THSD4: variants seen among roughly 807,000 people sequenced by gnomAD.
THSD4 encodes thrombospondin type-1 domain-containing protein 4.
Under a neutral mutation model 119.0 loss-of-function variants are expected in THSD4, and 69 were observed. The ratio of observed to expected loss-of-function variants is 0.58; its 90% CI spans 0.48 to 0.71. The LOEUF (loss-of-function observed/expected upper bound fraction) is 0.71. THSD4 is among the 30% of genes least tolerant of loss of function. The probability of loss-of-function intolerance (pLI) is 0.00; values close to 1 mark genes in which losing one functional copy is unlikely to be tolerated. For missense variants in THSD4, 1,393 were observed against 1,391.1 expected, an observed-to-expected ratio of 1.00 and a Z score of -0.02; for synonymous variants, 524 against 540.4, an observed-to-expected ratio of 0.97 and a Z score of 0.42.
intron 6 of THSD4, among the ~76,000 whole-genome samples, chr15:71,408,530 G>A (rs1215701261): frequency 1.3e-5 from 2 of 152,088 alleles, no homozygotes; most frequent in Non-Finnish European, 2.9e-5. Flanking sequence ...ACTGTGCCCG[G>A]CCCAAATGCA....
chr15:71,646,372 T>C (rs1435014552), intron 7 of THSD4, among the ~76,000 whole-genome samples: 2 of 152,232 alleles, frequency 1.3e-5, no homozygotes, highest in Non-Finnish European at 2.9e-5. Flanking sequence ...GCTCTTTCTC[T>C]CTTTTAACCA....
chr15:71,155,425 A>C (rs1265631964), intron 3 of THSD4, among the ~76,000 whole-genome samples: 2 of 152,186 alleles, frequency 1.3e-5, no homozygotes, highest in African/African-American at 4.8e-5. Context: ...CGCCTCCAAT[A>C]TTGGAGATTA....
intron 3 of THSD4, among the ~76,000 whole-genome samples, chr15:71,166,543 A>G (rs1287849550): frequency 6.6e-6 from 1 of 152,120 alleles, no homozygotes; most frequent in African/African-American, 2.4e-5. Context: ...AAAGGATTCC[A>G]GCTTACTTTT....
chr15:71,206,253 C>T (rs1425824811), intron 3 of THSD4, among the ~76,000 whole-genome samples: 1 of 152,220 alleles, frequency 6.6e-6, no homozygotes, highest in Admixed American at 6.5e-5. Flanking sequence ...CTCAGGTGAT[C>T]CGCCCACCTC....
At chr15:71,573,668 C>CT (rs2049399397) in intron 7 of THSD4, among the ~76,000 whole-genome samples, 1 of 152,164 alleles carries the variant, frequency 6.6e-6, no homozygotes, top group South Asian at 2.1e-4. Context: ...ATAGGATAAT[C>CT]TAATTTCCCT....
At chr15:71,314,285 A>G (rs997459375) in intron 6 of THSD4, among the ~76,000 whole-genome samples, 2 of 152,088 alleles carry the variant, frequency 1.3e-5, no homozygotes, top group African/African-American at 4.8e-5. Flanking sequence ...ATAAGTTACT[A>G]TAAGAAAATA....
At chr15:71,249,237 T>C (rs559035944) in intron 5 of THSD4, among the ~76,000 whole-genome samples, 8 of 152,216 alleles carry the variant, frequency 5.3e-5, no homozygotes, top group East Asian at 3.9e-4. Context: ...TGCATATATA[T>C]ACACACAAAT....
intron 3 of THSD4, among the ~76,000 whole-genome samples, chr15:71,203,418 G>A (rs758216577): frequency 2.6e-5 from 4 of 152,182 alleles, no homozygotes; most frequent in Non-Finnish European, 5.9e-5. Flanking sequence ...ACTTTGGGAG[G>A]CCAAGGTGGG....
chr15:71,522,465 G>A (rs975094043), intron 7 of THSD4, among the ~76,000 whole-genome samples: 1 of 152,126 alleles, frequency 6.6e-6, no homozygotes, highest in African/African-American at 2.4e-5. Flanking sequence ...TTAGGAGTGG[G>A]GATGAGGGAG....
At chr15:71,111,916 A>G (rs2040307968), upstream of THSD4, 2 of 567,316 alleles carry the variant, frequency 3.5e-6, no homozygotes, top group African/African-American at 3.8e-5. Context: ...TTCCACGTCA[A>G]ATACATTTGG....
At chr15:71,415,281 G>A (rs2046743789) in intron 7 of THSD4, among the ~76,000 whole-genome samples, 1 of 152,244 alleles carries the variant, frequency 6.6e-6, no homozygotes, top group African/African-American at 2.4e-5. Context: ...ATCAAGCCAA[G>A]TAAAGGCCGC....
intron 7 of THSD4, among the ~76,000 whole-genome samples, chr15:71,597,686 C>T (rs2049930376): frequency 1.3e-5 from 2 of 152,214 alleles, no homozygotes; most frequent in Non-Finnish European, 2.9e-5. Flanking sequence ...ATATGTCCCA[C>T]CCCCAAGTAT....
chr15:71,647,363 G>A (rs2050990420), intron 7 of THSD4, among the ~76,000 whole-genome samples: 2 of 152,132 alleles, frequency 1.3e-5, no homozygotes, highest in African/African-American at 4.8e-5. Context: ...GCAACACATT[G>A]AGTTTGACAG....
chr15:71,120,824 A>T (rs2040402897), intron 1 of THSD4, among the ~76,000 whole-genome samples: 1 of 152,232 alleles, frequency 6.6e-6, no homozygotes, highest in Non-Finnish European at 1.5e-5. Context: ...TCTGAGCCCC[A>T]GTAGGGAAAT....
chr15:71,588,411 AT>A (rs201233222), intron 7 of THSD4, among the ~76,000 whole-genome samples: 271 of 151,314 alleles, frequency 1.8e-3, no homozygotes, highest in African/African-American at 6.2e-3. Context: ...TTAATTTTTA[AT>A]TTTTTTTAAT....
chr15:71,470,032 AG>A (rs1408215723), intron 7 of THSD4, among the ~76,000 whole-genome samples: 1 of 152,254 alleles, frequency 6.6e-6, no homozygotes, highest in African/African-American at 2.4e-5. Context: ...ATGAAGGCAG[AG>A]GAGCCGATTT....
chr15:71,446,065 C>T (rs973984494), intron 7 of THSD4, among the ~76,000 whole-genome samples: 47 of 152,298 alleles, frequency 3.1e-4, no homozygotes, highest in African/African-American at 1.1e-3. Flanking sequence ...TGGATACTTT[C>T]TTCTGTATCT....
chr15:71,100,905 C>T lies in THSD4; in HGVS notation c.-80+3899C>T, dbSNP rs1006660042. Reference sequence around the variant, plus strand: ...GCTGAGGTTGGAGAATCACCGGAGCCTGGGAGGTTAAGGTTGCAGTGAGCC... The same window carrying T: ...GCTGAGGTTGGAGAATCACCGGAGCTTGGGAGGTTAAGGTTGCAGTGAGCC... On this transcript the variant is annotated intron_variant, in intron 1 of 17. Transcript: ENST00000355327. 9.9e-5 allele frequency among the ~76,000 whole-genome samples: 15 copies of T among 152,194 alleles called. No individual in the cohort carries two copies. The South Asian group carries it at 2.3e-3, about 23-fold the overall frequency.
chr15:71,567,780 T>A (rs895015310), intron 7 of THSD4, among the ~76,000 whole-genome samples: 7 of 151,626 alleles, frequency 4.6e-5, no homozygotes, highest in East Asian at 3.9e-4. Context: ...AGAGAGAGTG[T>A]GTGTGTGTGT....
Sources: allele counts gnomAD v4.1 joint callset (sites outside exome capture counted in the v4.1 genomes callset), GRCh38; gene constraint gnomAD v4.1.1; transcripts MANE v1.5; gene names NCBI Gene and HGNC (gene_info 2026-07-23, HGNC 2026-07-21).